RYR2: variants seen among roughly 807,000 people sequenced by gnomAD.
The protein encoded by RYR2 is cardiac muscle ryanodine receptor-calcium release channel.
In RYR2, 227 loss-of-function variants were observed where a neutral mutation model predicts 601.1. That is an observed-to-expected ratio of 0.38 (90% CI 0.34 to 0.42). RYR2 has a LOEUF of 0.42. Ranked by LOEUF, RYR2 falls within the 10% of genes least tolerant of loss-of-function variation. The pLI is 1.00. For missense variants in RYR2, 4,646 were observed against 6,156.5 expected (o/e 0.75, Z 8.21); for synonymous variants, 2,223 against 2,175.1 (o/e 1.02, Z -0.61).
At chr1:237,369,488 T>G in intron 5 of RYR2, 46 bp from the exon 6 acceptor site, 1 of 1,471,340 alleles carries the variant, frequency 6.8e-7, no homozygotes, top group Non-Finnish European at 9.3e-7. Context: ...AAGTTACTCT[T>G]TTGTGTTTTT....
rs78982700 is a variant in RYR2 at position 237,332,885 on chromosome 1, T to C, written c.273+1903T>C. On this transcript the variant is annotated intron_variant, in intron 3 of 104. Coordinates refer to ENST00000366574, the MANE Select transcript of RYR2 (RefSeq NM_001035.3). ...TTTTTTGAGATGGGGTCTTGCTATA[T>C]GGCCCAGGCTGGTCTTGAGCTCCTG... Among the ~76,000 whole-genome samples, 352 of 152,230 alleles carry C rather than the reference T, an allele frequency of 2.3e-3. 3 individuals are homozygous for C. Among genetic ancestry groups the C allele is most frequent in the African/African-American group, 6.5e-3 (272 of 41,552 alleles).
Position 237,667,976 on chromosome 1 carries a change from C to A in RYR2, c.8590+18C>A, listed in dbSNP as rs376966521. 6.5e-7 allele frequency: 1 copy of A among 1,538,558 alleles called. No individual in the cohort carries two copies. Among genetic ancestry groups the A allele is most frequent in the African/African-American group, 1.4e-5 (1 of 72,560 alleles). ...GTCCAAAGGTAATATTTTCTAAAAA[C>A]GTTTATTAAAAAATAATCTGAGCTC... On this transcript the variant is annotated intron_variant, in intron 58 of 104. Transcript: ENST00000366574.
intron 14 of RYR2, among the ~76,000 whole-genome samples, chr1:237,450,764 A>T (rs948283086): frequency 6.6e-6 from 1 of 152,104 alleles, no homozygotes; most frequent in Non-Finnish European, 1.5e-5. Context: ...TATTTTTCTG[A>T]GTTATCTAAC....
intron 87 of RYR2, among the ~76,000 whole-genome samples, chr1:237,775,261 A>G (rs1301302081): frequency 3.2e-4 from 48 of 152,332 alleles, no homozygotes; most frequent in Non-Finnish European, 1.2e-4. Flanking sequence ...CCCAATGCTG[A>G]CATTTTATAT....
At chr1:237,144,682 A>AT (rs1163188518) in intron 1 of RYR2, among the ~76,000 whole-genome samples, 1 of 152,134 alleles carries the variant, frequency 6.6e-6, no homozygotes, top group Non-Finnish European at 1.5e-5. Flanking sequence ...TAAACCTCTT[A>AT]TTTTTAATTT....
At chr1:237,516,043 TTCC>T (rs996258841) in intron 24 of RYR2, among the ~76,000 whole-genome samples, 2 of 149,350 alleles carry the variant, frequency 1.3e-5, no homozygotes, top group Admixed American at 1.3e-4. Flanking sequence ...TTTCTGTCTC[TTCC>T]TCCTCCTCCT....
At chr1:237,218,283 C>T (rs958985748) in intron 1 of RYR2, among the ~76,000 whole-genome samples, 9 of 152,016 alleles carry the variant, frequency 5.9e-5, no homozygotes, top group African/African-American at 1.5e-4. Flanking sequence ...TCATATATCT[C>T]GATGTGCATA....
chr1:237,730,396 G>C (rs1209665807), intron 77 of RYR2, 40 bp downstream of exon 77: 1 of 1,111,142 alleles, frequency 9.0e-7, no homozygotes, highest in South Asian at 1.3e-5. Flanking sequence ...AGAGGGTCTA[G>C]GCTTGGTGCA....
At chr1:237,706,007 T>C (rs1688342741) in intron 67 of RYR2, among the ~76,000 whole-genome samples, 1 of 151,992 alleles carries the variant, frequency 6.6e-6, no homozygotes, top group African/African-American at 2.4e-5. Flanking sequence ...TCCCAGCACT[T>C]TGGGAGGCCG....
intron 48 of RYR2, among the ~76,000 whole-genome samples, chr1:237,646,760 G>A (rs1166618888): frequency 6.6e-6 from 1 of 152,204 alleles, no homozygotes; most frequent in African/African-American, 2.4e-5. Flanking sequence ...TGGCCGCCCT[G>A]TCTGAGGCAG....
rs186050153 is a variant in RYR2, at chr1:237,496,132, C to T, written c.1962-379C>T. 2.7e-4 allele frequency among the ~76,000 whole-genome samples: 41 copies of T among 152,212 alleles called. No homozygotes were observed. The East Asian group carries it at 5.4e-3, about 20-fold the overall frequency. On this transcript the variant is annotated intron_variant, in intron 19 of 104. Coordinates refer to ENST00000366574, the MANE Select transcript of RYR2 (RefSeq NM_001035.3). ...TAAAATAGTGAGATGTGGCTGGGCA[C>T]GGTGGCTCATGCCTGTTATTCCAGC...
intron 1 of RYR2, among the ~76,000 whole-genome samples, chr1:237,256,541 G>C (rs555638059): frequency 6.6e-6 from 1 of 152,232 alleles, no homozygotes; most frequent in South Asian, 2.1e-4. Context: ...CACCTTCCTT[G>C]GTTCTCTGCT....
chr1:237,361,835 C>T (rs1434883957), intron 4 of RYR2, among the ~76,000 whole-genome samples: 5 of 152,120 alleles, frequency 3.3e-5, no homozygotes, highest in Admixed American at 3.3e-4. Context: ...TATGCATTCT[C>T]TTGATATCCA....
intron 80 of RYR2, among the ~76,000 whole-genome samples, chr1:237,746,923 A>C (rs1011568879): frequency 7.9e-5 from 12 of 152,124 alleles, no homozygotes; most frequent in Non-Finnish European, 1.3e-4. Flanking sequence ...GGTTTTTCTC[A>C]CCTAGATCAA....
chr1:237,149,334 AAAAC>A (rs1175993349), intron 1 of RYR2, among the ~76,000 whole-genome samples: 1 of 152,222 alleles, frequency 6.6e-6, no homozygotes, highest in African/African-American at 2.4e-5. Flanking sequence ...CAAAAAACCA[AAAAC>A]AAACAAAAAA....
At chr1:237,750,394 G>A (rs562305471) in intron 80 of RYR2, among the ~76,000 whole-genome samples, 9 of 151,824 alleles carry the variant, frequency 5.9e-5, no homozygotes, top group Admixed American at 2.0e-4. Context: ...AGGAGCCAAC[G>A]TGAAATTACA....
At chr1:237,472,095 C>CT (rs1347717215) in intron 17 of RYR2, among the ~76,000 whole-genome samples, 1 of 152,114 alleles carries the variant, frequency 6.6e-6, no homozygotes, top group Non-Finnish European at 1.5e-5. Flanking sequence ...AACATTTATG[C>CT]TTTTAATGAA....
rs549794807 is a variant in RYR2 at position 237,069,387 on chromosome 1, A to G, written c.48+26818A>G. On this transcript the variant is annotated intron_variant, in intron 1 of 104. Coordinates refer to ENST00000366574, the MANE Select transcript of RYR2 (RefSeq NM_001035.3). Reference sequence around the variant, plus strand: ...TTTAATTTTAATATTACTTATATCTAGTATAAGTAAATACATTTCAAAACA... The same window carrying G: ...TTTAATTTTAATATTACTTATATCTGGTATAAGTAAATACATTTCAAAACA... Among the ~76,000 whole-genome samples the G allele has an allele frequency of 1.1e-4, 17 of 152,202 alleles. No homozygotes were observed. In the South Asian group the frequency reaches 2.3e-3, roughly 20 times the overall value.
intron 10 of RYR2, among the ~76,000 whole-genome samples, chr1:237,407,648 G>A (rs1349648835): frequency 2.1e-5 from 3 of 145,570 alleles, no homozygotes; most frequent in Admixed American, 7.0e-5. Context: ...ACGGAGTCTG[G>A]CTCTGTTGCT....
Sources: gnomAD v4.1 joint callset for allele counts (sites outside exome capture counted in the v4.1 genomes callset) on GRCh38, gnomAD v4.1.1 for gene constraint, MANE v1.5 for transcripts, NCBI Gene and HGNC (gene_info 2026-07-23, HGNC 2026-07-21) for gene names.